The following SYNE1 variants were observed in gnomAD, a reference collection of about 807,000 sequenced individuals.
The protein encoded by SYNE1 is nesprin-1.
A neutral mutation model predicts 1,111.0 loss-of-function variants in SYNE1; 616 were observed. That is an observed-to-expected ratio of 0.55 (90% CI 0.52 to 0.59). The LOEUF is 0.59. Ranked by LOEUF, SYNE1 falls within the 20% of genes least tolerant of loss-of-function variation. The probability of loss-of-function intolerance (pLI) is 0.00; values close to 1 mark genes in which losing one functional copy is unlikely to be tolerated. For synonymous variants in SYNE1, 3,855 were observed against 3,825.8 expected (o/e 1.01, Z -0.28); for missense variants, 10,006 against 10,417.0 (o/e 0.96, Z 1.72).
intron 39 of SYNE1, among the ~76,000 whole-genome samples, chr6:152,419,937 T>C (rs2098227977): frequency 6.6e-6 from 1 of 152,242 alleles, no homozygotes; most frequent in Non-Finnish European, 1.5e-5. Context: ...GTTGGTCCTA[T>C]GAGGCACTCT....
In SYNE1 at chr6:152,369,616, T is replaced by C. The variant is rs2097142782; in HGVS notation, c.9508-2A>G. ...GTCCTTCATTTGGATCTTTAGATTC[T>C]GCAAGGTTTTAGATAGTGTCCAGGA... is the stretch of plus-strand genomic sequence containing the variant. On this transcript the variant is annotated splice_acceptor_variant, in intron 59 of 145. Coordinates refer to ENST00000367255, the MANE Select transcript of SYNE1 (RefSeq NM_182961.4). LOFTEE classifies it high-confidence loss of function. 1.9e-6 allele frequency: 3 copies of C among 1,614,186 alleles called. No individual in the cohort carries two copies. Among genetic ancestry groups the C allele is most frequent in the Non-Finnish European group, 2.5e-6 (3 of 1,180,022 alleles).
At chr6:152,216,198 AC>A (rs1438976343) in intron 121 of SYNE1, among the ~76,000 whole-genome samples, 1 of 152,240 alleles carries the variant, frequency 6.6e-6, no homozygotes, top group East Asian at 1.9e-4. Flanking sequence ...CCAAAATATA[AC>A]TGTTAAATGG....
chr6:152,592,556 G>A (rs2099570080), intron 3 of SYNE1, among the ~76,000 whole-genome samples: 1 of 151,666 alleles, frequency 6.6e-6, no homozygotes, highest in African/African-American at 2.4e-5. Context: ...AGACACTATA[G>A]ACTACTAGAA....
In SYNE1 at chr6:152,176,309, T is replaced by C. The variant is rs879280272; in HGVS notation, c.23627+85A>G. The C allele has an allele frequency of 1.5e-5, 23 of 1,570,734 alleles. No individual in the cohort carries two copies. The Admixed American group carries it at 3.8e-4, about 26-fold the overall frequency. On this transcript the variant is annotated intron_variant, in intron 130 of 145. Transcript: ENST00000367255. The stretch of plus-strand genomic sequence containing the variant: ...AACCCAGGAAGAGAGACTGATTTAT[T>C]GGATTATCTTTGGCTGATGAAAGGC...
chr6:152,496,790 A>G (rs1461035436), intron 11 of SYNE1, among the ~76,000 whole-genome samples: 1 of 152,232 alleles, frequency 6.6e-6, no homozygotes, highest in East Asian at 1.9e-4. Flanking sequence ...GTATACATTC[A>G]GATGGCTGAG....
chr6:152,376,943 G>T (rs1591452849), intron 56 of SYNE1, 31 bp from the exon 57 acceptor site: 1 of 1,611,810 alleles, frequency 6.2e-7, no homozygotes, highest in East Asian at 2.2e-5. Flanking sequence ...AAAGAAGCGA[G>T]CACTTACATT....
At chr6:152,434,112 T>C in intron 33 of SYNE1, 167 bp from the exon 34 acceptor site, 1 of 636,776 alleles carries the variant, frequency 1.6e-6, no homozygotes, top group Non-Finnish European at 2.7e-6. Flanking sequence ...CTGAGTAGTT[T>C]ATCAGGTTTT....
rs746655221 is a variant in SYNE1, at chr6:152,145,487, C to G, written c.24977-1722G>C. On this transcript the variant is annotated intron_variant, in intron 137 of 145. Coordinates refer to ENST00000367255, the MANE Select transcript of SYNE1 (RefSeq NM_182961.4). ...GCTGGCTCCGGCTTGTTGTGCCTAC[C>G]GGAGGTATTTTTGATTGCATTTTCT... 5.0e-6 allele frequency: 8 copies of G among 1,613,744 alleles called. No homozygotes were observed. The South Asian group carries it at 6.6e-5, about 13-fold the overall frequency.
chr6:152,562,720 G>A (rs1021403980), intron 3 of SYNE1, among the ~76,000 whole-genome samples: 1 of 152,148 alleles, frequency 6.6e-6, no homozygotes, highest in African/African-American at 2.4e-5. Context: ...GTTGATGGGT[G>A]CAGCAAACCA....
At chr6:152,588,127 C>T (rs534269232) in intron 3 of SYNE1, among the ~76,000 whole-genome samples, 14 of 152,308 alleles carry the variant, frequency 9.2e-5, no homozygotes, top group African/African-American at 3.1e-4. Context: ...GTCTAGCTGA[C>T]ATTCAAGTTC....
At chr6:152,570,644 G>A (rs1296637827) in intron 3 of SYNE1, among the ~76,000 whole-genome samples, 1 of 152,158 alleles carries the variant, frequency 6.6e-6, no homozygotes. Flanking sequence ...TGGGTGGTGT[G>A]CTGCACCTAT....
chr6:152,613,464 G>A (rs914955989), intron 3 of SYNE1, among the ~76,000 whole-genome samples: 2 of 152,114 alleles, frequency 1.3e-5, no homozygotes, highest in African/African-American at 4.8e-5. Context: ...ACGTCTTCAA[G>A]GAGAACTACA....
At chr6:152,580,964 C>A (rs192074139) in intron 3 of SYNE1, among the ~76,000 whole-genome samples, 16 of 152,342 alleles carry the variant, frequency 1.1e-4, no homozygotes, top group Non-Finnish European at 2.2e-4. Flanking sequence ...TGGGCTACAT[C>A]TGTTAATACC....
At chr6:152,237,120 G>A (rs1401471263) in intron 108 of SYNE1, among the ~76,000 whole-genome samples, 172 bp from the exon 109 acceptor site, 1 of 152,102 alleles carries the variant, frequency 6.6e-6, no homozygotes, top group Non-Finnish European at 1.5e-5. Flanking sequence ...GTAATCAAAT[G>A]GTGACCCTTG....
chr6:152,262,145 C>A lies in SYNE1; in HGVS notation c.18859G>T (p.Glu6287Ter). 6.2e-7 allele frequency: 1 copy of A among 1,613,890 alleles called. No individual in the cohort carries two copies. Among genetic ancestry groups the A allele is most frequent in the Non-Finnish European group, 8.5e-7 (1 of 1,179,916 alleles). ...ATCTGGTCTTCAGCGGATGATTTCT[C>A]CCCTTCCATCCCCAACTCCTGGGAT... ...VLSQELGMEG[E>*]KSSAEDQMRM... Residue 6287 changes from glutamate to a stop codon, truncating the protein, a stop_gained, in exon 101 of 146, where the codon GAG becomes TAG. Transcript: ENST00000367255. LOFTEE classifies it high-confidence loss of function.
At chr6:152,407,797 T>C (rs2097923150) in intron 44 of SYNE1, among the ~76,000 whole-genome samples, 1 of 149,816 alleles carries the variant, frequency 6.7e-6, no homozygotes, top group South Asian at 2.1e-4. Context: ...AATCTCACTC[T>C]GTTTCCCAGG....
intron 73 of SYNE1, among the ~76,000 whole-genome samples, chr6:152,346,190 G>A (rs1354388154): frequency 1.3e-5 from 2 of 151,826 alleles, no homozygotes; most frequent in South Asian, 2.1e-4. Context: ...TTATTTAGAC[G>A]GAGTCTCACT....
chr6:152,431,195 T>C (rs1032724693), intron 34 of SYNE1, among the ~76,000 whole-genome samples: 1 of 152,214 alleles, frequency 6.6e-6, no homozygotes, highest in Non-Finnish European at 1.5e-5. Flanking sequence ...AAAGTAGTTT[T>C]CCTTTTTCAA....
chr6:152,629,764 T>G (rs1200998781), intron 2 of SYNE1, among the ~76,000 whole-genome samples: 2 of 151,870 alleles, frequency 1.3e-5, no homozygotes, highest in Non-Finnish European at 2.9e-5. Flanking sequence ...GAGGTGATAC[T>G]TGATTACAGT....
Sources: allele counts gnomAD v4.1 joint callset (sites outside exome capture counted in the v4.1 genomes callset), GRCh38; gene constraint gnomAD v4.1.1; transcripts MANE v1.5; gene names NCBI Gene and HGNC (gene_info 2026-07-23, HGNC 2026-07-21).